Variants in MICAL2 observed in about 807,000 individuals in gnomAD.
The protein encoded by MICAL2 is [F-actin]-monooxygenase MICAL2.
MICAL2 carries 77 observed loss-of-function variants against 127.3 expected under a neutral mutation model. That is an observed-to-expected ratio of 0.60 (90% CI 0.50 to 0.73). The LOEUF is 0.73. Among genes scored for constraint, MICAL2 ranks in the 30% least tolerant of loss-of-function variants. The probability of loss-of-function intolerance (pLI) is 0.00; values close to 1 mark genes in which losing one functional copy is unlikely to be tolerated. For synonymous variants in MICAL2, 570 were observed against 551.1 expected (o/e 1.03, Z -0.48); for missense variants, 1,351 against 1,434.4 (o/e 0.94, Z 0.94).
chr11:12,283,200 C>A (rs753828582), intron 2 of MICAL2, among the ~76,000 whole-genome samples: 1 of 152,132 alleles, frequency 6.6e-6, no homozygotes, highest in Admixed American at 6.5e-5. Flanking sequence ...CCAAATAATG[C>A]AGGGTTGACC....
At chr11:12,285,066 A>T (rs12282150) in intron 2 of MICAL2, among the ~76,000 whole-genome samples, 51,621 of 152,030 alleles carry the variant, frequency 0.34, 11,168 homozygotes, top group Non-Finnish European at 0.48. Context: ...GGGGATCAGG[A>T]TTTTTAAAGA....
upstream of MICAL2, among the ~76,000 whole-genome samples, chr11:12,275,025 G>GGGGT (rs1187403957): frequency 6.6e-6 from 1 of 152,054 alleles, no homozygotes; most frequent in East Asian, 1.9e-4. Flanking sequence ...GGCGGTGAGA[G>GGGGT]GGGTCTGGAT....
chr11:12,305,138 T>C (rs1234863078), intron 29 of MICAL2, among the ~76,000 whole-genome samples: 2 of 152,166 alleles, frequency 1.3e-5, no homozygotes, highest in Non-Finnish European at 2.9e-5. Context: ...ATAAATATAC[T>C]ACCCAAGACT....
intron 32 of MICAL2, among the ~76,000 whole-genome samples, chr11:12,331,804 A>T (rs762482260): frequency 6.6e-6 from 1 of 152,182 alleles, no homozygotes; most frequent in African/African-American, 2.4e-5. Context: ...GCACCCACAA[A>T]AGGGCCTGAA....
chr11:12,263,335 TA>T (rs1166214103), intron 27 of MICAL2: 15 of 152,230 alleles, frequency 9.9e-5, no homozygotes, highest in African/African-American at 3.4e-4. Flanking sequence ...GGCAGCAGGA[TA>T]ATCACCAACA....
chr11:12,211,734 C>T (rs1020207548), intron 6 of MICAL2, among the ~76,000 whole-genome samples: 3 of 152,094 alleles, frequency 2.0e-5, no homozygotes, highest in African/African-American at 7.2e-5. Flanking sequence ...AAGAAGAGCC[C>T]AAGAGCCAGC....
At chr11:12,248,045 C>T (rs1860998539) in intron 21 of MICAL2, among the ~76,000 whole-genome samples, 1 of 152,214 alleles carries the variant, frequency 6.6e-6, no homozygotes, top group African/African-American at 2.4e-5. Flanking sequence ...ATAATAATCT[C>T]CTCATGGGAA....
In MICAL2 at chr11:12,242,506, C is replaced by T. The variant is rs559616744; in HGVS notation, c.2556+74C>T. The T allele has an allele frequency of 1.1e-5, 17 of 1,510,144 alleles. No homozygotes were observed. In the East Asian group the frequency reaches 1.4e-4, roughly 12 times the overall value. The allele number at this position is 1,510,144 out of a possible 1,614,324, so 93.5% of individuals were successfully genotyped here. A position where few individuals can be genotyped will look rare whatever the true frequency, so the allele number is the denominator to read the frequency against. Reference sequence around the variant, plus strand: ...CTTTCTTCCCCTCCCTCCTCCTACCCGGGTGGGTTCCTCCTCCCTCTGCCC... The same window carrying T: ...CTTTCTTCCCCTCCCTCCTCCTACCTGGGTGGGTTCCTCCTCCCTCTGCCC... On this transcript the variant is annotated intron_variant, in intron 19 of 27. Coordinates refer to ENST00000683283, the MANE Select transcript of MICAL2 (RefSeq NM_001282663.2).
At chr11:12,239,626 G>T in intron 17 of MICAL2, 41 bp downstream of exon 17, 1 of 1,600,238 alleles carries the variant, frequency 6.2e-7, no homozygotes, top group South Asian at 1.1e-5. Context: ...ACTTCCTGGT[G>T]ACTTTTCAGC....
chr11:12,262,289 G>A, intron 26 of MICAL2, 191 bp from the exon 27 acceptor site: 2 of 1,434,134 alleles, frequency 1.4e-6, no homozygotes, highest in Non-Finnish European at 1.8e-6. Flanking sequence ...ACAAGTAGCT[G>A]GTCACAACCA....
chr11:12,282,070 G>A (rs943149565), intron 2 of MICAL2, among the ~76,000 whole-genome samples: 1 of 152,182 alleles, frequency 6.6e-6, no homozygotes, highest in African/African-American at 2.4e-5. Flanking sequence ...TCCGTGAAAT[G>A]TTTTCAGGAG....
intron 32 of MICAL2, among the ~76,000 whole-genome samples, chr11:12,331,915 T>C (rs1407809197): frequency 6.6e-6 from 1 of 152,238 alleles, no homozygotes; most frequent in South Asian, 2.1e-4. Flanking sequence ...TGTATTTATT[T>C]GTTTGTTCAT....
intron 21 of MICAL2, among the ~76,000 whole-genome samples, chr11:12,246,075 T>A (rs916999203): frequency 1.3e-5 from 2 of 152,228 alleles, no homozygotes; most frequent in African/African-American, 2.4e-5. Flanking sequence ...GCGTGGTCAC[T>A]GTTGGGGCCA....
intron 33 of MICAL2, among the ~76,000 whole-genome samples, chr11:12,353,387 G>A (rs1444296084): frequency 1.3e-5 from 2 of 152,130 alleles, no homozygotes; most frequent in African/African-American, 4.8e-5. Context: ...CCAACCTTTG[G>A]ATGGCTTCTT....
downstream of MICAL2, among the ~76,000 whole-genome samples, chr11:12,268,658 C>T (rs924406245): frequency 2.0e-5 from 3 of 152,206 alleles, no homozygotes; most frequent in Admixed American, 1.3e-4. Flanking sequence ...TGCCCGGCAG[C>T]AGAGGGGCTG....
At chr11:12,178,856 G>C (rs1027187002) in intron 3 of MICAL2, among the ~76,000 whole-genome samples, 1 of 152,048 alleles carries the variant, frequency 6.6e-6, no homozygotes, top group African/African-American at 2.4e-5. Context: ...CGAGTAGCTG[G>C]GACTCCAGGC....
At chr11:12,218,282 G>A (rs1856424078) in intron 8 of MICAL2, among the ~76,000 whole-genome samples, 3 of 152,172 alleles carry the variant, frequency 2.0e-5, no homozygotes, top group African/African-American at 7.2e-5. Context: ...GCCTCTGCTG[G>A]CCCATACGTG....
intron 34 of MICAL2, among the ~76,000 whole-genome samples, chr11:12,355,503 G>T (rs558734100): frequency 6.6e-6 from 1 of 152,316 alleles, no homozygotes; most frequent in African/African-American, 2.4e-5. Context: ...TGTGTTTGCA[G>T]TGCCAGATCG....
intron 1 of MICAL2, among the ~76,000 whole-genome samples, chr11:12,113,737 C>T (rs933461831): frequency 2.0e-5 from 3 of 152,036 alleles, no homozygotes; most frequent in Non-Finnish European, 2.9e-5. Context: ...AAAACTTAAT[C>T]GCTCCTGTAT....
Sources: gnomAD v4.1 joint callset for allele counts (sites outside exome capture counted in the v4.1 genomes callset) on GRCh38, gnomAD v4.1.1 for gene constraint, MANE v1.5 for transcripts, NCBI Gene and HGNC (gene_info 2026-07-23, HGNC 2026-07-21) for gene names.